Variants in ADCYAP1R1 observed in about 807,000 individuals in gnomAD.
ADCYAP1R1 encodes pituitary adenylate cyclase-activating polypeptide type I receptor.
A neutral mutation model predicts 67.6 loss-of-function variants in ADCYAP1R1; 44 were observed. That is an observed-to-expected ratio of 0.65 (90% CI 0.51 to 0.84). The LOEUF (loss-of-function observed/expected upper bound fraction) is 0.84. ADCYAP1R1 is among the 40% of genes least tolerant of loss of function. The probability of loss-of-function intolerance (pLI) is 0.00; values close to 1 mark genes in which losing one functional copy is unlikely to be tolerated. For synonymous variants in ADCYAP1R1, 222 were observed against 219.6 expected, an observed-to-expected ratio of 1.01 and a Z score of -0.10; for missense variants, 477 against 587.9, an observed-to-expected ratio of 0.81 and a Z score of 1.95.
intron 1 of ADCYAP1R1, among the ~76,000 whole-genome samples, chr7:31,053,235 C>A (rs1794098791): frequency 6.6e-6 from 1 of 152,204 alleles, no homozygotes; most frequent in African/African-American, 2.4e-5. Flanking sequence ...TGTGGTGACA[C>A]ATCCGGGATT....
chr7:31,083,939 C>A (rs1795623752), intron 6 of ADCYAP1R1, among the ~76,000 whole-genome samples: 2 of 152,176 alleles, frequency 1.3e-5, no homozygotes, highest in African/African-American at 4.8e-5. Context: ...GCGCAGTCTC[C>A]CCATCTTTGG....
At position 31,110,750 on chromosome 7, in the gene ADCYAP1R1, C is replaced by G. The variant is rs1378534804; in HGVS notation, c.*4066C>G. ...CACCTGCTCTGTGATCCAGGGCTTA[C>G]CTTCTTTGGGCCTCGGCCTCCTAAT... On this transcript the variant is annotated 3_prime_UTR_variant, in exon 16 of 16. Coordinates refer to ENST00000304166, the MANE Select transcript of ADCYAP1R1 (RefSeq NM_001118.5). The G allele has an allele frequency of 2.0e-5, 3 of 152,456 alleles. No homozygotes were observed. Among genetic ancestry groups the G allele is most frequent in the Admixed American group, 2.0e-4 (3 of 15,302 alleles). 9.4% of individuals were successfully genotyped at this position (152,456 alleles called of 1,614,324 possible).
intron 1 of ADCYAP1R1, among the ~76,000 whole-genome samples, chr7:31,060,501 G>GTGTGTGT (rs1275854924): frequency 6.7e-6 from 1 of 149,170 alleles, no homozygotes; most frequent in African/African-American, 2.5e-5. Flanking sequence ...GTGTGTGTGT[G>GTGTGTGT]GTGTGTGTGT....
At chr7:31,092,311 C>T (rs1233957347) in intron 12 of ADCYAP1R1, among the ~76,000 whole-genome samples, 2 of 151,872 alleles carry the variant, frequency 1.3e-5, no homozygotes, top group South Asian at 2.1e-4. Context: ...CTCACTTCTG[C>T]AATAGTCTTA....
In ADCYAP1R1 at chr7:31,106,950, C is replaced by A. The variant is rs939731241; in HGVS notation, c.*266C>A. 4 of 446,076 alleles carry A rather than the reference C, an allele frequency of 9.0e-6. No individual in the cohort carries two copies. The highest frequency in any genetic ancestry group is 4.1e-5 in the African/African-American group (2 of 49,142). The allele number at this position is 446,076 out of a possible 1,614,324, so 27.6% of individuals were successfully genotyped here. On this transcript the variant is annotated 3_prime_UTR_variant, in exon 16 of 16. Coordinates refer to ENST00000304166, the MANE Select transcript of ADCYAP1R1 (RefSeq NM_001118.5). ...TTTGGAAAAGTTGTCCCATCCCTTCCCCCTTTGCCCCAGTGTCCCTGCTCA... is the reference window on the plus strand; with the variant it reads ...TTTGGAAAAGTTGTCCCATCCCTTCACCCTTTGCCCCAGTGTCCCTGCTCA...
At chr7:31,097,853 C>G (rs2128637312) in intron 13 of ADCYAP1R1, among the ~76,000 whole-genome samples, 1 of 152,190 alleles carries the variant, frequency 6.6e-6, no homozygotes, top group Middle Eastern at 3.4e-3. Flanking sequence ...TGTGGTTTAC[C>G]CAAGCCAAGG....
In ADCYAP1R1 at chr7:31,084,838, A is replaced by G. The variant is rs1795669745; in HGVS notation, c.536+4A>G. On this transcript the variant is annotated splice_donor_region_variant and intron_variant, in intron 8 of 15. Coordinates refer to ENST00000304166, the MANE Select transcript of ADCYAP1R1 (RefSeq NM_001118.5). Reference sequence around the variant, plus strand: ...TGGTCATCCTTTGTCGCTTCCGGTGAGACCCTCAGCAACATTCAAGCAAGC... The same window carrying G: ...TGGTCATCCTTTGTCGCTTCCGGTGGGACCCTCAGCAACATTCAAGCAAGC... 2.5e-6 allele frequency: 4 copies of G among 1,613,678 alleles called. No homozygotes were observed. The highest frequency in any genetic ancestry group is 3.4e-6 in the Non-Finnish European group (4 of 1,179,610).
At chr7:31,067,561 G>A (rs778970649) in intron 3 of ADCYAP1R1, among the ~76,000 whole-genome samples, 37 of 152,104 alleles carry the variant, frequency 2.4e-4, no homozygotes, top group Non-Finnish European at 1.0e-4. Flanking sequence ...TTATAGATAA[G>A]TGAACTGAGG....
chr7:31,099,210 G>A (rs1316626223), intron 13 of ADCYAP1R1, among the ~76,000 whole-genome samples: 1 of 152,186 alleles, frequency 6.6e-6, no homozygotes, highest in African/African-American at 2.4e-5. Context: ...GTTTGTTTCT[G>A]CAAGCCATGG....
intron 12 of ADCYAP1R1, among the ~76,000 whole-genome samples, chr7:31,088,186 A>T (rs1795830655): frequency 6.6e-6 from 1 of 152,252 alleles, no homozygotes; most frequent in Non-Finnish European, 1.5e-5. Context: ...TCGCTAGCGT[A>T]ACTGAGCACT....
intron 3 of ADCYAP1R1, among the ~76,000 whole-genome samples, chr7:31,065,997 T>A (rs1794720870): frequency 6.6e-6 from 1 of 152,202 alleles, no homozygotes; most frequent in Admixed American, 6.5e-5. Context: ...CGTGCCGGCC[T>A]TTGCCTCCGC....
Position 31,106,914 on chromosome 7 carries a change from T to C in ADCYAP1R1, c.*230T>C, listed in dbSNP as rs908325875. 1 of 520,072 alleles carries C rather than the reference T, an allele frequency of 1.9e-6. No individual in the cohort carries two copies. The highest frequency in any genetic ancestry group is 3.4e-5 in the East Asian group (1 of 29,242). 32.2% of individuals were successfully genotyped at this position (520,072 alleles called of 1,614,324 possible). A position where few individuals can be genotyped will look rare whatever the true frequency, so the allele number is the denominator to read the frequency against. On this transcript the variant is annotated 3_prime_UTR_variant, in exon 16 of 16. Coordinates refer to ENST00000304166, the MANE Select transcript of ADCYAP1R1 (RefSeq NM_001118.5). ...TGGGCCCTGACCCCAGACATGTAAA[T>C]ACTCCTCAAATTTGGAAAAGTTGTC...
intron 12 of ADCYAP1R1, among the ~76,000 whole-genome samples, chr7:31,091,120 T>C (rs1046097427): frequency 2.0e-5 from 3 of 152,232 alleles, no homozygotes; most frequent in Non-Finnish European, 4.4e-5. Flanking sequence ...TTCTGACTGG[T>C]GTGAGATGGT....
At position 31,106,542 on chromosome 7, in the gene ADCYAP1R1, G is replaced by A. The variant is rs376384667; in HGVS notation, c.1265G>A (p.Arg422His). 20 of 1,613,648 alleles carry A rather than the reference G, an allele frequency of 1.2e-5. 1 individual carries two copies. Among genetic ancestry groups the A allele is most frequent in the South Asian group, 8.8e-5 (8 of 90,982 alleles). The part of the protein sequence containing the change: ...KRKWRSWKVN[R>H]YFAVDFKHRH... ...AAATGGCGAAGCTGGAAGGTGAACC[G>A]TTACTTCGCTGTGGACTTCAAGCAC... The change falls in exon 16 of 16, where the codon CGT (arginine) becomes CAT (histidine). Residue 422 changes from arginine (R) to histidine (H), a missense_variant. Coordinates refer to ENST00000304166, the MANE Select transcript of ADCYAP1R1 (RefSeq NM_001118.5).
At chr7:31,098,194 C>T (rs1796284944) in intron 13 of ADCYAP1R1, among the ~76,000 whole-genome samples, 1 of 152,164 alleles carries the variant, frequency 6.6e-6, no homozygotes, top group African/African-American at 2.4e-5. Context: ...CTGCGCCCAG[C>T]CTGAGACTAA....
At chr7:31,098,705 G>GT (rs1425808264) in intron 13 of ADCYAP1R1, among the ~76,000 whole-genome samples, 1 of 23,036 alleles carries the variant, frequency 4.3e-5, no homozygotes, top group Non-Finnish European at 6.5e-5. Flanking sequence ...CAGCGGGGCG[G>GT]GGGGGGGGGG....
At position 31,086,813 on chromosome 7, in the gene ADCYAP1R1, G is replaced by A. The variant is rs1340519597; in HGVS notation, c.824-130G>A. On this transcript the variant is annotated intron_variant, in intron 10 of 15. Coordinates refer to ENST00000304166, the MANE Select transcript of ADCYAP1R1 (RefSeq NM_001118.5). The surrounding 1 kb of genome is among the most constrained non-coding windows in gnomAD (Gnocchi z 5.0). ...ACCCTCAGGAGGCCTGGGTGTGAGG[G>A]ACAGTTAGAATTCCCAGGAATTCCA... is the stretch of plus-strand genomic sequence containing the variant. 2 of 1,059,744 alleles carry A rather than the reference G, an allele frequency of 1.9e-6. No individual in the cohort carries two copies. The highest frequency in any genetic ancestry group is 2.4e-5 in the East Asian group (1 of 42,306). The allele number at this position is 1,059,744 out of a possible 1,614,324, so 65.6% of individuals were successfully genotyped here. A position where few individuals can be genotyped will look rare whatever the true frequency, so the allele number is the denominator to read the frequency against.
At position 31,064,923 on chromosome 7, in the gene ADCYAP1R1, T is replaced by C. The variant is rs564711953; in HGVS notation, c.144T>C (p.Asn48=). Residue 48 remains asparagine, a synonymous_variant, in exon 3 of 16, where the codon AAT becomes AAC. Transcript: ENST00000304166. ...IQRANELMGF[N]DSSPGCPGMW... Reference sequence around the variant, plus strand: ...GGGCCAATGAGCTGATGGGCTTCAATGATTCCTCTCCAGGTGAGCGGGGCG... The same window carrying C: ...GGGCCAATGAGCTGATGGGCTTCAACGATTCCTCTCCAGGTGAGCGGGGCG... 61 of 1,609,608 alleles carry C rather than the reference T, an allele frequency of 3.8e-5. 1 individual carries two copies. The South Asian group carries it at 6.8e-4, about 18-fold the overall frequency.
chr7:31,071,490 C>T (rs1459115891), intron 3 of ADCYAP1R1, among the ~76,000 whole-genome samples: 2 of 152,132 alleles, frequency 1.3e-5, no homozygotes, highest in Non-Finnish European at 2.9e-5. Flanking sequence ...AGGATCTGTT[C>T]TCATTTTCAA....
Sources: gnomAD v4.1 joint callset for allele counts (sites outside exome capture counted in the v4.1 genomes callset) on GRCh38, gnomAD v4.1.1 for gene constraint, Gnocchi (gnomAD v3.1) non-coding constraint, MANE v1.5 for transcripts, NCBI Gene and HGNC (gene_info 2026-07-23, HGNC 2026-07-21) for gene names.